CAMK2A: variants seen among roughly 807,000 people sequenced by gnomAD.
CAMK2A encodes calcium/calmodulin-dependent protein kinase type II subunit alpha.
In CAMK2A, 7 loss-of-function variants were observed where a neutral mutation model predicts 79.2. The observed-to-expected ratio is 0.09, with a 90% CI of 0.05 to 0.17. The LOEUF (loss-of-function observed/expected upper bound fraction) is 0.17, where lower values mean the gene tolerates loss of function less well. Among genes scored for constraint, CAMK2A ranks in the 10% least tolerant of loss-of-function variants. CAMK2A has a pLI of 1.00. For missense variants in CAMK2A, 214 were observed against 646.4 expected, an observed-to-expected ratio of 0.33 and a Z score of 7.25; for synonymous variants, 242 against 251.7, an observed-to-expected ratio of 0.96 and a Z score of 0.36.
Position 150,228,269 on chromosome 5 carries a change from C to T in CAMK2A, c.1160G>A (p.Gly387Asp), listed in dbSNP as rs1301785267. The change falls in exon 17 of 19, where the codon GGC (glycine) becomes GAC (aspartate). Residue 387 changes from glycine to aspartate, a missense_variant. Gly to Asp is a moderately conservative substitution (Grantham distance 94). Coordinates refer to ENST00000671881, the MANE Select transcript of CAMK2A (RefSeq NM_015981.4). ...GGCCTCAGGTTCGAAGGCTGTCATGCCAGGGTCGCACATCTTCCTGGGGGA... is the reference window on the plus strand; with the variant it reads ...GGCCTCAGGTTCGAAGGCTGTCATGTCAGGGTCGCACATCTTCCTGGGGGA... ...FESYTKMCDP[G>D]MTAFEPEALG... The T allele has an allele frequency of 6.2e-7, 1 of 1,613,784 alleles. No individual in the cohort carries two copies. The highest frequency in any genetic ancestry group is 8.5e-7 in the Non-Finnish European group (1 of 1,179,868).
intron 1 of CAMK2A, among the ~76,000 whole-genome samples, chr5:150,273,542 T>C (rs1159355253): frequency 6.6e-6 from 1 of 152,060 alleles, no homozygotes; most frequent in Non-Finnish European, 1.5e-5. Context: ...GATATAAGGG[T>C]ATAGGTAGTA....
intron 18 of CAMK2A, 124 bp from the exon 19 acceptor site, chr5:150,222,837 G>A: frequency 2.1e-6 from 3 of 1,405,340 alleles, no homozygotes; most frequent in East Asian, 4.6e-5. Flanking sequence ...TCTTCCCCCA[G>A]ACCTGCAGGC....
intron 1 of CAMK2A, among the ~76,000 whole-genome samples, chr5:150,278,341 C>T (rs947556417): frequency 6.6e-6 from 1 of 150,802 alleles, no homozygotes; most frequent in African/African-American, 2.4e-5. Flanking sequence ...GGCAGTGAGT[C>T]GGCAGCCCTA....
At position 150,223,006 on chromosome 5, in the gene CAMK2A, C is replaced by T. The variant is rs759852005; in HGVS notation, c.1449G>A (p.Ala483=). 24 of 1,613,932 alleles carry T rather than the reference C, an allele frequency of 1.5e-5. No individual in the cohort carries two copies. The highest frequency in any genetic ancestry group is 3.3e-5 in the Admixed American group (2 of 60,032). The change falls in exon 18 of 19, where the codon GCG becomes GCA. Residue 483 remains alanine, a synonymous_variant. Coordinates refer to ENST00000671881, the MANE Select transcript of CAMK2A (RefSeq NM_015981.4). This position sits in a 1 kb window ranked among gnomAD's most constrained non-coding sequence, Gnocchi z 4.1. ...WQIVHFHRSG[A]PSVLPH ...ATTCTTACTGGGGCAGGACGGAGGG[C>T]GCCCCAGATCTGTGGAAGTGGACGA...
intron 13 of CAMK2A, 43 bp downstream of exon 13, chr5:150,245,118 C>G: frequency 6.3e-7 from 1 of 1,599,248 alleles, no homozygotes; most frequent in South Asian, 1.1e-5. Flanking sequence ...TTGGCAGAAA[C>G]GCTGCCAGAG....
intron 1 of CAMK2A, among the ~76,000 whole-genome samples, chr5:150,280,978 C>T (rs570546858): frequency 1.1e-4 from 16 of 152,210 alleles, no homozygotes; most frequent in Non-Finnish European, 1.9e-4. Context: ...GTGCATTGTT[C>T]TGGGCAAAGG....
Position 150,221,429 on chromosome 5 carries a change from C to T in CAMK2A, c.*1281G>A. On this transcript the variant is annotated 3_prime_UTR_variant, in exon 19 of 19. Coordinates refer to ENST00000671881, the MANE Select transcript of CAMK2A (RefSeq NM_015981.4). ...AATGAAGACACACGCTCACGGGCCC[C>T]CCAGAGGTGGGTGGGGGGTGCTGGG... 1 of 398,722 alleles carries T rather than the reference C, an allele frequency of 2.5e-6. No individual in the cohort carries two copies. Among genetic ancestry groups the T allele is most frequent in the Non-Finnish European group, 4.4e-6 (1 of 226,094 alleles). The allele number at this position is 398,722 out of a possible 1,614,324, so 24.7% of individuals were successfully genotyped here.
In CAMK2A at chr5:150,220,650, G is replaced by T. The variant is rs1314216392; in HGVS notation, c.*2060C>A. Reference sequence around the variant, plus strand: ...AGGGGACAGGTGGTTTTGCCCCTGGGATAATGGGATCACTGGGCCTTACTG... The same window carrying T: ...AGGGGACAGGTGGTTTTGCCCCTGGTATAATGGGATCACTGGGCCTTACTG... On this transcript the variant is annotated 3_prime_UTR_variant, in exon 19 of 19. Coordinates refer to ENST00000671881, the MANE Select transcript of CAMK2A (RefSeq NM_015981.4). The T allele has an allele frequency of 6.6e-6, 1 of 152,332 alleles. No homozygotes were observed. Among genetic ancestry groups the T allele is most frequent in the African/African-American group, 2.4e-5 (1 of 41,444 alleles). 9.4% of individuals were successfully genotyped at this position (152,332 alleles called of 1,614,324 possible). A position where few individuals can be genotyped will look rare whatever the true frequency, so the allele number is the denominator to read the frequency against.
At position 150,244,946 on chromosome 5, in the gene CAMK2A, C is replaced by G. The variant is rs190953704; in HGVS notation, c.984+215G>C. Among the ~76,000 whole-genome samples the G allele has an allele frequency of 2.8e-3, 427 of 152,232 alleles. 2 individuals are homozygous for G. The highest frequency in any genetic ancestry group is 9.9e-3 in the African/African-American group (411 of 41,532). On this transcript the variant is annotated intron_variant, in intron 13 of 18. Coordinates refer to ENST00000671881, the MANE Select transcript of CAMK2A (RefSeq NM_015981.4). The stretch of plus-strand genomic sequence containing the variant: ...CCTGTCACTTCCACCCTCCTCCAGT[C>G]CCCCCTCTCCCATCTGCCCCCCAAC...
At chr5:150,273,006 CAGGTA>C in intron 2 of CAMK2A, 54 bp downstream of exon 2, 1 of 1,336,946 alleles carries the variant, frequency 7.5e-7, no homozygotes, top group South Asian at 1.2e-5. Context: ...CCAAGCAGTA[CAGGTA>C]AGGGGAGAGA....
rs1400033173 is a variant in CAMK2A at position 150,219,559 on chromosome 5, A to T, written c.*3151T>A. On this transcript the variant is annotated 3_prime_UTR_variant, in exon 19 of 19. Transcript: ENST00000671881. ...AATAAAACAAACGCCCCTTCTTCCCATCCCACCCGCCCCCCCCAATAGCAG... is the reference window on the plus strand; with the variant it reads ...AATAAAACAAACGCCCCTTCTTCCCTTCCCACCCGCCCCCCCCAATAGCAG... The T allele has an allele frequency of 2.3e-5, 1 of 43,624 alleles. No homozygotes were observed. The highest frequency in any genetic ancestry group is 5.2e-5 in the Non-Finnish European group (1 of 19,176). The allele number at this position is 43,624 out of a possible 1,614,324, so 2.7% of individuals were successfully genotyped here.
chr5:150,254,933 C>T (rs1755990428), intron 6 of CAMK2A, among the ~76,000 whole-genome samples: 1 of 152,144 alleles, frequency 6.6e-6, no homozygotes, highest in Admixed American at 6.5e-5. Context: ...GTTTTGAGTC[C>T]TCCTCTGATC....
chr5:150,274,999 C>A (rs530658558), intron 1 of CAMK2A, among the ~76,000 whole-genome samples: 2 of 152,388 alleles, frequency 1.3e-5, no homozygotes, highest in East Asian at 3.9e-4. Context: ...AGCACAGATG[C>A]CTGCTCTGCA....
At chr5:150,252,170 T>G in intron 7 of CAMK2A, 105 bp from the exon 8 acceptor site, 5 of 867,148 alleles carry the variant, frequency 5.8e-6, no homozygotes, top group Non-Finnish European at 9.2e-6. Context: ...GCTCTGGAGC[T>G]GAGGAAAACA....
intron 1 of CAMK2A, among the ~76,000 whole-genome samples, chr5:150,286,582 C>T (rs1001972716): frequency 1.3e-5 from 2 of 152,240 alleles, no homozygotes; most frequent in Non-Finnish European, 2.9e-5. Flanking sequence ...ACCTGGCTGC[C>T]TTTTCCAGTC....
intron 1 of CAMK2A, among the ~76,000 whole-genome samples, chr5:150,275,159 G>A (rs1160181290): frequency 6.6e-6 from 1 of 152,192 alleles, no homozygotes; most frequent in African/African-American, 2.4e-5. Flanking sequence ...GAGAGGGCCA[G>A]AATTCATGGG....
rs1044042496 is a variant in CAMK2A at position 150,273,566 on chromosome 5, C to T, written c.63-407G>A. On this transcript the variant is annotated intron_variant, in intron 1 of 18. Coordinates refer to ENST00000671881, the MANE Select transcript of CAMK2A (RefSeq NM_015981.4). ...GTATAGGTAGTAAAATGACCCCCTC[C>T]CGCCCCTGTACTGCAGCCCCTGAGG... is the stretch of plus-strand genomic sequence containing the variant. Among the ~76,000 whole-genome samples the T allele has an allele frequency of 2.6e-5, 4 of 152,182 alleles. No homozygotes were observed. In the East Asian group the frequency reaches 5.8e-4, roughly 22 times the overall value.
intron 15 of CAMK2A, among the ~76,000 whole-genome samples, chr5:150,237,050 C>T (rs1262795363): frequency 6.6e-6 from 1 of 151,980 alleles, no homozygotes; most frequent in Non-Finnish European, 1.5e-5. Flanking sequence ...ATAAGTTGTC[C>T]CTGGTGCCAT....
chr5:150,245,461 G>A, intron 12 of CAMK2A: 1 of 523,844 alleles, frequency 1.9e-6, no homozygotes, highest in East Asian at 3.4e-5. Flanking sequence ...GGTTGAGGGA[G>A]GTGTCCAACA....
Sources: gnomAD v4.1 joint callset for allele counts (sites outside exome capture counted in the v4.1 genomes callset) on GRCh38, gnomAD v4.1.1 for gene constraint, Gnocchi (gnomAD v3.1) non-coding constraint, MANE v1.5 for transcripts, NCBI Gene and HGNC (gene_info 2026-07-23, HGNC 2026-07-21) for gene names.